Variants in ZRANB1 observed in about 807,000 individuals in gnomAD.
ZRANB1 encodes the protein ubiquitin thioesterase ZRANB1.
Under a neutral mutation model 80.5 loss-of-function variants are expected in ZRANB1, and 16 were observed. That is an observed-to-expected ratio of 0.20 (90% CI 0.13 to 0.30). The LOEUF (loss-of-function observed/expected upper bound fraction) is 0.30, where lower values mean the gene tolerates loss of function less well. Among genes scored for constraint, ZRANB1 ranks in the 10% least tolerant of loss-of-function variants. The pLI is 1.00. For missense variants in ZRANB1, 576 were observed against 862.6 expected, an observed-to-expected ratio of 0.67 and a Z score of 4.16; for synonymous variants, 291 against 293.1, an observed-to-expected ratio of 0.99 and a Z score of 0.07.
In ZRANB1 at chr10:124,943,118, A is replaced by C. The variant is rs767412661; in HGVS notation, c.625A>C (p.Ser209Arg). The C allele has an allele frequency of 3.0e-5, 49 of 1,614,118 alleles. No homozygotes were observed. Among genetic ancestry groups the C allele is most frequent in the Non-Finnish European group, 4.0e-5 (47 of 1,180,038 alleles). Residue 209 changes from serine to arginine, a missense_variant, in exon 1 of 9, where the codon AGT becomes CGT. This residue lies in a region of ZRANB1 where 411 missense variants were observed against 583.1 expected (regional missense o/e 0.70). Transcript: ENST00000359653. ...AGCTCGATGGAGGGGAAGTTGCAGT[A>C]GTGGTAATAGCCAAAGGAGATCACC... The part of the protein sequence containing the change: ...DRARWRGSCS[S>R]GNSQRRSPPA...
intron 5 of ZRANB1, among the ~76,000 whole-genome samples, chr10:124,976,823 C>T (rs1211799310): frequency 2.6e-5 from 4 of 151,512 alleles, no homozygotes; most frequent in Non-Finnish European, 4.4e-5. Context: ...CCGCCCACCT[C>T]GACCTCCCAA....
the ZRANB1 span, among the ~76,000 whole-genome samples, chr10:124,926,385 A>G: frequency 6.6e-6 from 1 of 152,208 alleles, no homozygotes; most frequent in Non-Finnish European, 1.5e-5. Context: ...GTGTAGCTGC[A>G]CAAAAATATT....
chr10:124,943,090 C>G lies in ZRANB1; in HGVS notation c.597C>G (p.Asp199Glu). The G allele has an allele frequency of 6.2e-7, 1 of 1,614,150 alleles. No individual in the cohort carries two copies. Among genetic ancestry groups the G allele is most frequent in the South Asian group, 1.1e-5 (1 of 91,088 alleles). ...EEASSIINEQ[D>E]RARWRGSCSS... is the part of the protein sequence containing the mutation. ...CTTCTTCAATAATAAATGAGCAAGA[C>G]AGAGCTCGATGGAGGGGAAGTTGCA... Residue 199 changes from aspartate (D) to glutamate (E), a missense_variant, in exon 1 of 9, where the codon GAC becomes GAG. Asp to Glu is a conservative substitution (Grantham distance 45). Coordinates refer to ENST00000359653, the MANE Select transcript of ZRANB1 (RefSeq NM_017580.3).
At chr10:124,946,222 C>G (rs1951580915) in intron 1 of ZRANB1, 2 of 152,106 alleles carry the variant, frequency 1.3e-5, no homozygotes, top group South Asian at 4.1e-4. Flanking sequence ...AGTTCGAGAC[C>G]AGCCTGACCA....
rs1406500833 is a variant in ZRANB1 at position 124,987,031 on chromosome 10, C to A, written c.*2039C>A. 1.3e-5 allele frequency: 2 copies of A among 152,484 alleles called. No homozygotes were observed. The highest frequency in any genetic ancestry group is 2.9e-5 in the Non-Finnish European group (2 of 68,006). 9.4% of individuals were successfully genotyped at this position (152,484 alleles called of 1,614,324 possible). Reference sequence around the variant, plus strand: ...TAGTGTGATAGGTGCAGCATTCTTCCCTGTGGGAAAGAATTAAAGATGGTT... The same window carrying A: ...TAGTGTGATAGGTGCAGCATTCTTCACTGTGGGAAAGAATTAAAGATGGTT... On this transcript the variant is annotated 3_prime_UTR_variant, in exon 9 of 9. Transcript: ENST00000359653.
intron 1 of ZRANB1, among the ~76,000 whole-genome samples, chr10:124,951,386 T>C (rs1951637606): frequency 6.6e-6 from 1 of 152,224 alleles, no homozygotes; most frequent in African/African-American, 2.4e-5. Flanking sequence ...TGAACTGGAA[T>C]GATTTTAAAG....
At chr10:124,933,791 G>T in the ZRANB1 span, among the ~76,000 whole-genome samples, 1 of 152,204 alleles carries the variant, frequency 6.6e-6, no homozygotes, top group African/African-American at 2.4e-5. Flanking sequence ...TTCTGCTGAA[G>T]CTCAAGACAT....
Position 124,987,948 on chromosome 10 carries a change from T to TTTTG in ZRANB1, c.*2963_*2966dup, listed in dbSNP as rs1336850620. The TTTTG allele has an allele frequency of 5.2e-5, 8 of 152,504 alleles. No individual in the cohort carries two copies. Among genetic ancestry groups the TTTTG allele is most frequent in the African/African-American group, 1.2e-4 (5 of 41,452 alleles). 9.4% of individuals were successfully genotyped at this position (152,504 alleles called of 1,614,324 possible). On this transcript the variant is annotated 3_prime_UTR_variant, in exon 9 of 9. Coordinates refer to ENST00000359653, the MANE Select transcript of ZRANB1 (RefSeq NM_017580.3). ...TTGCAACACTTCTTTGTAAATATCA[T>TTTTG]TTTGTTTGTTAGGTTATTGGCAAAA...
At chr10:124,937,662 G>A (rs1018298857), upstream of ZRANB1, among the ~76,000 whole-genome samples, 1 of 152,172 alleles carries the variant, frequency 6.6e-6, no homozygotes, top group Admixed American at 6.5e-5. Flanking sequence ...CATTATGTAA[G>A]TCCCTTTCCC....
At chr10:124,921,231 A>T in the ZRANB1 span, among the ~76,000 whole-genome samples, 1 of 152,152 alleles carries the variant, frequency 6.6e-6, no homozygotes, top group African/African-American at 2.4e-5. Flanking sequence ...TATTGTATGG[A>T]GGTAACATTT....
the ZRANB1 span, among the ~76,000 whole-genome samples, chr10:124,922,058 T>C: frequency 5.9e-5 from 9 of 151,930 alleles, no homozygotes; most frequent in South Asian, 1.0e-3. Flanking sequence ...CCTCCCACTT[T>C]AGCCTCCCAA....
the ZRANB1 span, among the ~76,000 whole-genome samples, chr10:124,924,276 G>T: frequency 6.7e-6 from 1 of 149,088 alleles, no homozygotes; most frequent in Non-Finnish European, 1.5e-5. Flanking sequence ...GGAATCAGTT[G>T]CAAATCTTTC....
At chr10:124,961,581 T>C (rs1194282642) in intron 1 of ZRANB1, among the ~76,000 whole-genome samples, 3 of 152,236 alleles carry the variant, frequency 2.0e-5, no homozygotes, top group Admixed American at 2.0e-4. Flanking sequence ...TGGGGACTTA[T>C]ATTTTCACAA....
At chr10:124,958,597 C>T (rs1951705872) in intron 1 of ZRANB1, among the ~76,000 whole-genome samples, 1 of 151,428 alleles carries the variant, frequency 6.6e-6, no homozygotes, top group Admixed American at 6.6e-5. Flanking sequence ...TATCCTTTTT[C>T]ATTGAACTTT....
At chr10:124,926,994 G>A in the ZRANB1 span, among the ~76,000 whole-genome samples, 2 of 152,106 alleles carry the variant, frequency 1.3e-5, no homozygotes, top group Admixed American at 1.3e-4. Flanking sequence ...TCTCGCTGTC[G>A]CCCAGGCTGG....
chr10:124,966,905 T>C (rs541963167), intron 2 of ZRANB1, 124 bp downstream of exon 2: 2 of 888,486 alleles, frequency 2.3e-6, no homozygotes, highest in South Asian at 3.8e-5. Context: ...TTTACCCCCT[T>C]TTAAAAATAA....
intron 1 of ZRANB1, among the ~76,000 whole-genome samples, chr10:124,960,567 C>T (rs903801538): frequency 2.6e-5 from 4 of 152,066 alleles, no homozygotes; most frequent in East Asian, 1.9e-4. Context: ...TACAGGCATG[C>T]GTCACTATGC....
At chr10:124,940,542 A>G (rs964795518), upstream of ZRANB1, 29 of 1,289,234 alleles carry the variant, frequency 2.2e-5, no homozygotes, top group African/African-American at 4.1e-4. Context: ...GGGAACTAAA[A>G]TCTTAGTAAG....
chr10:124,987,705 G>A lies in ZRANB1; in HGVS notation c.*2713G>A, dbSNP rs934931735. ...TGGGATGGGGCCACCACCTTAAAAT[G>A]AGTGAGCAGACAAGGCCAGGCAAGC... On this transcript the variant is annotated 3_prime_UTR_variant, in exon 9 of 9. Coordinates refer to ENST00000359653, the MANE Select transcript of ZRANB1 (RefSeq NM_017580.3). The A allele has an allele frequency of 6.6e-6, 1 of 152,158 alleles. No individual in the cohort carries two copies. Among genetic ancestry groups the A allele is most frequent in the Non-Finnish European group, 1.5e-5 (1 of 68,038 alleles). The allele number at this position is 152,158 out of a possible 1,614,324, so 9.4% of individuals were successfully genotyped here.
Sources: gnomAD v4.1 joint callset for allele counts (sites outside exome capture counted in the v4.1 genomes callset) on GRCh38, gnomAD v4.1.1 for gene constraint, gnomAD v4.1.1 regional missense constraint, MANE v1.5 for transcripts, NCBI Gene and HGNC (gene_info 2026-07-23, HGNC 2026-07-21) for gene names.